Variants in CFAP221 observed in about 807,000 individuals in gnomAD.
CFAP221 encodes cilia- and flagella-associated protein 221.
In CFAP221, 97 loss-of-function variants were observed where a neutral mutation model predicts 113.1. The observed-to-expected ratio is 0.86, with a 90% CI of 0.73 to 1.02. CFAP221 has a LOEUF of 1.02. Among genes scored for constraint, CFAP221 ranks in the 50% least tolerant of loss-of-function variants. The probability of loss-of-function intolerance (pLI) is 0.00; values close to 1 mark genes in which losing one functional copy is unlikely to be tolerated. For missense variants in CFAP221, 1,025 were observed against 1,013.4 expected (o/e 1.01, Z -0.16); for synonymous variants, 331 against 354.4 (o/e 0.93, Z 0.74).
At chr2:119,581,930 A>G (rs1316869861) in intron 6 of CFAP221, among the ~76,000 whole-genome samples, 2 of 152,038 alleles carry the variant, frequency 1.3e-5, no homozygotes, top group Admixed American at 1.3e-4. Context: ...TAAGAAAAAA[A>G]AGAGAAACCT....
chr2:119,547,858 G>A (rs960998023), intron 2 of CFAP221, among the ~76,000 whole-genome samples: 1 of 152,216 alleles, frequency 6.6e-6, no homozygotes, highest in Non-Finnish European at 1.5e-5. Context: ...AGATTTGGAT[G>A]CAGTCAAAGT....
intron 11 of CFAP221, among the ~76,000 whole-genome samples, chr2:119,605,608 CCT>C (rs1366007181): frequency 6.6e-6 from 1 of 152,184 alleles, no homozygotes; most frequent in Non-Finnish European, 1.5e-5. Context: ...CCCCCATCAT[CCT>C]CCACCTCACC....
At chr2:119,649,831 G>A (rs1284060409) in intron 22 of CFAP221, among the ~76,000 whole-genome samples, 1 of 152,156 alleles carries the variant, frequency 6.6e-6, no homozygotes, top group African/African-American at 2.4e-5. Flanking sequence ...CAAGAAAGAG[G>A]GGGAAGAGCT....
chr2:119,545,943 A>G, intron 1 of CFAP221, 142 bp from the exon 2 acceptor site: 1 of 563,164 alleles, frequency 1.8e-6, no homozygotes, highest in Non-Finnish European at 3.0e-6. Flanking sequence ...ATGTGTGGGA[A>G]TGGAGTGGCC....
rs148231361 is a variant in CFAP221 at position 119,651,111 on chromosome 2, C to G, written c.2319-863C>G. On this transcript the variant is annotated intron_variant, in intron 22 of 23. Transcript: ENST00000413369. ...TGTTTGCTGATGGAATGTTAGCAGACAAGATACAGCCCATTCCTGAGGTCA... is the reference window on the plus strand; with the variant it reads ...TGTTTGCTGATGGAATGTTAGCAGAGAAGATACAGCCCATTCCTGAGGTCA... 6.8e-4 allele frequency among the ~76,000 whole-genome samples: 104 copies of G among 152,322 alleles called. 2 individuals carry two copies. Among genetic ancestry groups the G allele is most frequent in the African/African-American group, 2.3e-3 (97 of 41,574 alleles).
chr2:119,654,192 G>C (rs1688294853), intron 23 of CFAP221, among the ~76,000 whole-genome samples: 1 of 152,114 alleles, frequency 6.6e-6, no homozygotes. Flanking sequence ...CAGATTGGCA[G>C]TTTCTGGTAA....
At chr2:119,599,822 G>A (rs921539778) in intron 7 of CFAP221, among the ~76,000 whole-genome samples, 6 of 152,134 alleles carry the variant, frequency 3.9e-5, no homozygotes, top group Non-Finnish European at 5.9e-5. Context: ...TGAGATCTGG[G>A]ATTTGTTTTG....
chr2:119,620,005 A>T (rs560679788), intron 14 of CFAP221, among the ~76,000 whole-genome samples: 3 of 152,302 alleles, frequency 2.0e-5, no homozygotes, highest in African/African-American at 7.2e-5. Flanking sequence ...TTGAAGATCA[A>T]CTTGATGAAA....
chr2:119,651,874 C>A, intron 22 of CFAP221, 100 bp from the exon 23 acceptor site: 1 of 889,872 alleles, frequency 1.1e-6, no homozygotes, highest in Non-Finnish European at 1.6e-6. Flanking sequence ...AGTTGAATAC[C>A]ACAAGAATTG....
At chr2:119,571,323 A>G (rs1369836325) in intron 6 of CFAP221, among the ~76,000 whole-genome samples, 2 of 151,956 alleles carry the variant, frequency 1.3e-5, no homozygotes, top group East Asian at 1.9e-4. Flanking sequence ...TATTTTTAGT[A>G]GAGACGGGGT....
Position 119,608,527 on chromosome 2 carries a change from A to G in CFAP221, c.1159A>G (p.Met387Val), listed in dbSNP as rs139037503. 1.7e-5 allele frequency: 28 copies of G among 1,608,894 alleles called. No individual in the cohort carries two copies. The highest frequency in any genetic ancestry group is 1.7e-4 in the Middle Eastern group (1 of 6,056). Residue 387 changes from methionine (M) to valine (V), a missense_variant, in exon 12 of 24, where the codon ATG (methionine) becomes GTG (valine). By Grantham distance (21) the Met-to-Val change is conservative (BLOSUM62 1). Transcript: ENST00000413369. ...GCAGGTGCACCTTGGTAAAGATCCT[A>G]TGTCTTTTAAACTTAAAAAAGAGCT... is the stretch of plus-strand genomic sequence containing the variant. ...KWQVHLGKDPMSFKLKKELTE... is the reference protein window; with the variant it reads ...KWQVHLGKDPVSFKLKKELTE...
intron 20 of CFAP221, among the ~76,000 whole-genome samples, chr2:119,639,240 G>C (rs545687373): frequency 5.9e-5 from 9 of 152,236 alleles, no homozygotes; most frequent in South Asian, 4.1e-4. Context: ...CCCTCCGTGG[G>C]TCCCCGCTGC....
chr2:119,639,948 A>C (rs2104789584), intron 21 of CFAP221, 76 bp downstream of exon 21: 2 of 1,229,662 alleles, frequency 1.6e-6, no homozygotes, highest in Middle Eastern at 1.9e-4. Flanking sequence ...CCAAAAGTTA[A>C]ATGCCAATAA....
intron 19 of CFAP221, among the ~76,000 whole-genome samples, chr2:119,637,645 A>G (rs1208940636): frequency 6.6e-6 from 1 of 152,192 alleles, no homozygotes; most frequent in Non-Finnish European, 1.5e-5. Flanking sequence ...AAAAGGCTCT[A>G]TATTTTAGTA....
At chr2:119,578,833 G>A (rs1250267284) in intron 6 of CFAP221, among the ~76,000 whole-genome samples, 2 of 151,958 alleles carry the variant, frequency 1.3e-5, no homozygotes, top group Non-Finnish European at 2.9e-5. Context: ...TCTAGATATC[G>A]GGAATTTTTA....
intron 5 of CFAP221, among the ~76,000 whole-genome samples, chr2:119,560,591 C>T (rs1403383402): frequency 6.6e-6 from 1 of 152,070 alleles, no homozygotes; most frequent in Admixed American, 6.5e-5. Context: ...GTCCCCTCTG[C>T]CCCTCCCTTT....
chr2:119,571,359 C>G (rs190401476), intron 6 of CFAP221, among the ~76,000 whole-genome samples: 27 of 151,972 alleles, frequency 1.8e-4, no homozygotes, highest in Non-Finnish European at 3.7e-4. Context: ...AGTCTGGTCT[C>G]GAATTCCTGA....
chr2:119,553,673 A>C (rs1311951046), intron 3 of CFAP221, among the ~76,000 whole-genome samples: 1 of 152,180 alleles, frequency 6.6e-6, no homozygotes, highest in Non-Finnish European at 1.5e-5. Flanking sequence ...ATCAGTTTTC[A>C]CTTCCTTCCC....
chr2:119,638,828 T>A (rs1449361812), intron 20 of CFAP221, among the ~76,000 whole-genome samples: 2 of 151,664 alleles, frequency 1.3e-5, no homozygotes, highest in African/African-American at 4.9e-5. Flanking sequence ...AAGGAATTAC[T>A]TCCCCCCCAG....
Sources: allele counts gnomAD v4.1 joint callset (sites outside exome capture counted in the v4.1 genomes callset), GRCh38; gene constraint gnomAD v4.1.1; transcripts MANE v1.5; gene names NCBI Gene and HGNC (gene_info 2026-07-23, HGNC 2026-07-21).